Variants in TMEM178B observed in about 807,000 individuals in gnomAD.
TMEM178B encodes the protein transmembrane protein 178B.
A neutral mutation model predicts 31.0 loss-of-function variants in TMEM178B; 5 were observed. That is an observed-to-expected ratio of 0.16 (90% confidence interval 0.08 to 0.34). The LOEUF (loss-of-function observed/expected upper bound fraction) is 0.34. Ranked by LOEUF, TMEM178B falls within the 10% of genes least tolerant of loss-of-function variation. The probability of loss-of-function intolerance (pLI) is 1.00; values close to 1 mark genes in which losing one functional copy is unlikely to be tolerated. For missense variants in TMEM178B, 275 were observed against 400.3 expected (o/e 0.69, Z 2.67); for synonymous variants, 164 against 164.0 (o/e 1.00, Z 0.00).
At chr7:141,170,436 G>A (rs548354855) in intron 1 of TMEM178B, among the ~76,000 whole-genome samples, 5 of 152,116 alleles carry the variant, frequency 3.3e-5, no homozygotes, top group South Asian at 4.2e-4. Flanking sequence ...TGTTGTGACC[G>A]GCCATGAGAT....
At chr7:141,305,347 T>C (rs974496955) in intron 2 of TMEM178B, among the ~76,000 whole-genome samples, 1 of 152,226 alleles carries the variant, frequency 6.6e-6, no homozygotes, top group Non-Finnish European at 1.5e-5. Context: ...ACTCATTTAA[T>C]TGTCATACCC....
intron 2 of TMEM178B, among the ~76,000 whole-genome samples, chr7:141,280,511 G>A (rs1798339228): frequency 6.6e-6 from 1 of 152,180 alleles, no homozygotes; most frequent in Non-Finnish European, 1.5e-5. Context: ...CTGCTGCTGT[G>A]TGAGACGTGC....
At chr7:141,297,080 T>C (rs1364539038) in intron 2 of TMEM178B, 4 of 152,240 alleles carry the variant, frequency 2.6e-5, no homozygotes, top group African/African-American at 9.6e-5. Flanking sequence ...ACCATTGTTA[T>C]TATTATAACA....
chr7:141,264,205 T>C (rs767657518), intron 2 of TMEM178B, among the ~76,000 whole-genome samples: 2 of 152,196 alleles, frequency 1.3e-5, no homozygotes, highest in Non-Finnish European at 2.9e-5. Context: ...TGTGTCACAT[T>C]GTCACATCAT....
chr7:141,435,676 GC>G (rs1214310248), intron 2 of TMEM178B, among the ~76,000 whole-genome samples: 2 of 152,192 alleles, frequency 1.3e-5, no homozygotes, highest in African/African-American at 4.8e-5. Flanking sequence ...CAGGCCGCTG[GC>G]CTCACAAGCT....
intron 2 of TMEM178B, among the ~76,000 whole-genome samples, chr7:141,367,095 G>GC: frequency 6.8e-6 from 1 of 146,676 alleles, no homozygotes; most frequent in Non-Finnish European, 1.5e-5. Flanking sequence ...GGGGGGAGGG[G>GC]TGGGGGGGGC....
intron 2 of TMEM178B, among the ~76,000 whole-genome samples, chr7:141,249,977 C>G (rs1258160442): frequency 1.3e-5 from 2 of 152,158 alleles, no homozygotes; most frequent in Admixed American, 1.3e-4. Flanking sequence ...ACTTACAAGA[C>G]CAACATCGTA....
At chr7:141,426,847 C>T (rs2116661527) in intron 2 of TMEM178B, among the ~76,000 whole-genome samples, 1 of 152,240 alleles carries the variant, frequency 6.6e-6, no homozygotes, top group East Asian at 1.9e-4. Context: ...ACTAATACTA[C>T]ATTTATTATA....
At chr7:141,243,439 C>A (rs980087620) in intron 2 of TMEM178B, among the ~76,000 whole-genome samples, 1 of 152,052 alleles carries the variant, frequency 6.6e-6, no homozygotes, top group Non-Finnish European at 1.5e-5. Flanking sequence ...TAGGAAGAAG[C>A]CTCTTAACCA....
At chr7:141,446,339 GAATTC>G (rs767860109) in intron 3 of TMEM178B, among the ~76,000 whole-genome samples, 13 of 152,212 alleles carry the variant, frequency 8.5e-5, no homozygotes, top group South Asian at 2.1e-4. Flanking sequence ...AGCCTTGTCA[GAATTC>G]CCCATCACTC....
intron 1 of TMEM178B, among the ~76,000 whole-genome samples, chr7:141,151,115 GAC>G (rs1483082859): frequency 1.6e-4 from 24 of 152,272 alleles, no homozygotes; most frequent in African/African-American, 5.5e-4. Flanking sequence ...GTAGATGAAG[GAC>G]ACAGAGGAAA....
chr7:141,297,456 A>G (rs1192483369), intron 2 of TMEM178B, among the ~76,000 whole-genome samples: 2 of 152,160 alleles, frequency 1.3e-5, no homozygotes, highest in Non-Finnish European at 2.9e-5. Context: ...TGCTGCACCC[A>G]TTAACTCGTC....
intron 2 of TMEM178B, among the ~76,000 whole-genome samples, chr7:141,295,060 G>A (rs891982140): frequency 2.6e-5 from 4 of 152,180 alleles, no homozygotes; most frequent in African/African-American, 9.7e-5. Flanking sequence ...GGGATGATAC[G>A]ATGAGAAGTG....
Position 141,385,225 on chromosome 7 carries a change from A to G in TMEM178B, c.497-52383A>G, listed in dbSNP as rs116100499. Among the ~76,000 whole-genome samples the G allele has an allele frequency of 5.7e-3, 866 of 152,300 alleles. 8 individuals are homozygous for G. The highest frequency in any genetic ancestry group is 0.034 in the South Asian group (165 of 4,822). On this transcript the variant is annotated intron_variant, in intron 2 of 3. Coordinates refer to ENST00000565468, the MANE Select transcript of TMEM178B (RefSeq NM_001195278.2). ...TCCTGATGTTTCATGGTCCTTAATTATGGCAGCTCTTCAGTAGCTGCAATG... is the reference window on the plus strand; with the variant it reads ...TCCTGATGTTTCATGGTCCTTAATTGTGGCAGCTCTTCAGTAGCTGCAATG...
At chr7:141,365,792 G>A (rs1799994150) in intron 2 of TMEM178B, among the ~76,000 whole-genome samples, 1 of 152,144 alleles carries the variant, frequency 6.6e-6, no homozygotes, top group Admixed American at 6.5e-5. Context: ...ACTCTAGTAT[G>A]ACCTCGTCTT....
chr7:141,348,622 C>T (rs182643031), intron 2 of TMEM178B, among the ~76,000 whole-genome samples: 1 of 152,258 alleles, frequency 6.6e-6, no homozygotes, highest in Admixed American at 6.5e-5. Flanking sequence ...GAAAGCAAAT[C>T]TTCACCCACA....
Position 141,160,579 on chromosome 7 carries a change from A to G in TMEM178B, c.383-52012A>G, listed in dbSNP as rs73167446. On this transcript the variant is annotated intron_variant, in intron 1 of 3. Transcript: ENST00000565468. The stretch of plus-strand genomic sequence containing the variant: ...GTCTGACTGTGCCTTGGTGGCCAGA[A>G]GAGTGCTTGCCACATGACACATGCT... Among the ~76,000 whole-genome samples the G allele has an allele frequency of 3.8e-3, 577 of 152,298 alleles. 4 individuals carry two copies. Among genetic ancestry groups the G allele is most frequent in the Non-Finnish European group, 6.4e-3 (437 of 68,024 alleles).
rs142278505 is a variant in TMEM178B, at chr7:141,192,796, G to A, written c.383-19795G>A. On this transcript the variant is annotated intron_variant, in intron 1 of 3. Coordinates refer to ENST00000565468, the MANE Select transcript of TMEM178B (RefSeq NM_001195278.2). ...TCTTCATTTTTAGGTGTTTACTTCA[G>A]TCTGTTTCAGTACTTAGACATCACT... 6.4e-3 allele frequency among the ~76,000 whole-genome samples: 974 copies of A among 152,256 alleles called. 14 individuals are homozygous for A. The highest frequency in any genetic ancestry group is 0.022 in the African/African-American group (923 of 41,550).
At chr7:141,342,510 C>T (rs1189503465) in intron 2 of TMEM178B, among the ~76,000 whole-genome samples, 4 of 152,188 alleles carry the variant, frequency 2.6e-5, no homozygotes, top group African/African-American at 9.7e-5. Flanking sequence ...CTTCAAGATC[C>T]AGCTCCTCCT....
Sources: gnomAD v4.1 joint callset for allele counts (sites outside exome capture counted in the v4.1 genomes callset) on GRCh38, gnomAD v4.1.1 for gene constraint, MANE v1.5 for transcripts, NCBI Gene and HGNC (gene_info 2026-07-23, HGNC 2026-07-21) for gene names.